The following PPP3CA variants were observed in gnomAD, a reference collection of about 807,000 sequenced individuals.
The protein encoded by PPP3CA is protein phosphatase 3 catalytic subunit alpha, also known as CAM-PRP catalytic subunit.
PPP3CA carries 14 observed loss-of-function variants against 66.5 expected under a neutral mutation model. That is an observed-to-expected ratio of 0.21 (90% CI 0.14 to 0.33). PPP3CA has a LOEUF of 0.33. Among genes scored for constraint, PPP3CA ranks in the 10% least tolerant of loss-of-function variants. The probability of loss-of-function intolerance (pLI) is 1.00; values close to 1 mark genes in which losing one functional copy is unlikely to be tolerated. For synonymous variants in PPP3CA, 232 were observed against 226.2 expected, an observed-to-expected ratio of 1.03 and a Z score of -0.23; for missense variants, 317 against 639.5, an observed-to-expected ratio of 0.50 and a Z score of 5.44.
intron 1 of PPP3CA, among the ~76,000 whole-genome samples, chr4:101,306,031 C>G (rs558209124): frequency 6.6e-6 from 1 of 152,072 alleles, no homozygotes; most frequent in South Asian, 2.1e-4. Flanking sequence ...TTAACTCTGC[C>G]TCCTAAAATG....
At chr4:101,223,053 G>C (rs542262177) in intron 1 of PPP3CA, among the ~76,000 whole-genome samples, 94 of 151,782 alleles carry the variant, frequency 6.2e-4, no homozygotes, top group Non-Finnish European at 1.3e-3. Context: ...GGTCTACTTA[G>C]GTCTATTTGC....
chr4:101,242,608 T>C, intron 1 of PPP3CA, among the ~76,000 whole-genome samples: 1 of 152,146 alleles, frequency 6.6e-6, no homozygotes, highest in East Asian at 1.9e-4. Context: ...CCAGGGTGTC[T>C]TATATGTGTC....
At chr4:101,315,726 T>C (rs1728864649) in intron 1 of PPP3CA, among the ~76,000 whole-genome samples, 1 of 152,186 alleles carries the variant, frequency 6.6e-6, no homozygotes, top group Non-Finnish European at 1.5e-5. Flanking sequence ...ATCTAGCCTA[T>C]AGTTTGGCAA....
chr4:101,170,512 T>C (rs1012943539), intron 2 of PPP3CA, among the ~76,000 whole-genome samples: 2 of 151,038 alleles, frequency 1.3e-5, no homozygotes, highest in Non-Finnish European at 2.9e-5. Context: ...TTTAACTAAC[T>C]GGAAAGGAGT....
At chr4:101,047,047 T>C (rs929941453) in intron 10 of PPP3CA, among the ~76,000 whole-genome samples, 1 of 152,166 alleles carries the variant, frequency 6.6e-6, no homozygotes, top group South Asian at 2.1e-4. Flanking sequence ...TGTCCAACAG[T>C]TGAAGTAATC....
At chr4:101,265,831 A>G (rs1021139210) in intron 1 of PPP3CA, among the ~76,000 whole-genome samples, 2 of 152,216 alleles carry the variant, frequency 1.3e-5, no homozygotes, top group Admixed American at 6.5e-5. Context: ...TTCACTTACA[A>G]AGTAGAGAAA....
intron 2 of PPP3CA, among the ~76,000 whole-genome samples, chr4:101,125,676 A>G (rs1722223689): frequency 6.6e-6 from 1 of 152,240 alleles, no homozygotes; most frequent in Non-Finnish European, 1.5e-5. Context: ...TCTCTTTATC[A>G]TAAAGATCAT....
At chr4:101,113,500 A>C (rs1042314128) in intron 2 of PPP3CA, among the ~76,000 whole-genome samples, 23 of 152,204 alleles carry the variant, frequency 1.5e-4, no homozygotes, top group South Asian at 2.1e-4. Flanking sequence ...AAAGAATCGT[A>C]AGTGATTGAT....
intron 1 of PPP3CA, among the ~76,000 whole-genome samples, chr4:101,298,343 T>TATATAC (rs933421375): frequency 6.6e-6 from 1 of 150,764 alleles, no homozygotes; most frequent in African/African-American, 2.4e-5. Context: ...CAGGGAGATA[T>TATATAC]ATATATATAT....
chr4:101,306,979 T>C (rs1267470843), intron 1 of PPP3CA, among the ~76,000 whole-genome samples: 16 of 152,156 alleles, frequency 1.1e-4, no homozygotes, highest in African/African-American at 3.9e-4. Flanking sequence ...GTAGTATTTA[T>C]TGAAGGATTA....
At chr4:101,090,426 G>T (rs199571491) in intron 6 of PPP3CA, among the ~76,000 whole-genome samples, 1 of 151,994 alleles carries the variant, frequency 6.6e-6, no homozygotes, top group Admixed American at 6.6e-5. Context: ...ATCACCTGAG[G>T]TCAGGAGTTT....
At chr4:101,074,125 T>C (rs536256169) in intron 8 of PPP3CA, among the ~76,000 whole-genome samples, 74 of 152,334 alleles carry the variant, frequency 4.9e-4, no homozygotes, top group African/African-American at 1.8e-3. Context: ...TACTAAAAGT[T>C]ATGTCCATGC....
At chr4:101,074,118 TA>T (rs1729042266) in intron 8 of PPP3CA, among the ~76,000 whole-genome samples, 1 of 152,220 alleles carries the variant, frequency 6.6e-6, no homozygotes, top group Admixed American at 6.5e-5. Flanking sequence ...AAGTCAATAC[TA>T]AAAGTTATGT....
chr4:101,275,550 C>A (rs573632760), intron 1 of PPP3CA, among the ~76,000 whole-genome samples: 1 of 152,230 alleles, frequency 6.6e-6, no homozygotes, highest in African/African-American at 2.4e-5. Context: ...TTCAAATACA[C>A]GAGGCTTATC....
intron 2 of PPP3CA, among the ~76,000 whole-genome samples, chr4:101,138,649 T>C (rs1722699182): frequency 6.6e-6 from 1 of 152,218 alleles, no homozygotes. Context: ...ATTTGGAGCC[T>C]TTTGGAATTC....
At chr4:101,282,727 G>T (rs1727724094) in intron 1 of PPP3CA, among the ~76,000 whole-genome samples, 1 of 152,142 alleles carries the variant, frequency 6.6e-6, no homozygotes, top group South Asian at 2.1e-4. Context: ...TCCTGAGCCT[G>T]CTGAGATGCA....
At chr4:101,294,332 G>A (rs2110292284) in intron 1 of PPP3CA, among the ~76,000 whole-genome samples, 1 of 152,286 alleles carries the variant, frequency 6.6e-6, no homozygotes, top group East Asian at 1.9e-4. Context: ...TAATTCTGAA[G>A]CACTGATGCT....
At chr4:101,210,645 T>C (rs2850996) in intron 1 of PPP3CA, among the ~76,000 whole-genome samples, 36,614 of 151,992 alleles carry the variant, frequency 0.24, 7,608 homozygotes, top group African/African-American at 0.54. Flanking sequence ...CACACAAAGC[T>C]TGCTCTCCAT....
At chr4:101,249,180 C>T (rs890121408) in intron 1 of PPP3CA, among the ~76,000 whole-genome samples, 1 of 149,696 alleles carries the variant, frequency 6.7e-6, no homozygotes. Flanking sequence ...AAAAAAAAAA[C>T]CAAAAAACAA....
Sources: gnomAD v4.1 joint callset for allele counts (sites outside exome capture counted in the v4.1 genomes callset) on GRCh38, gnomAD v4.1.1 for gene constraint, MANE v1.5 for transcripts, NCBI Gene and HGNC (gene_info 2026-07-23, HGNC 2026-07-21) for gene names.